OPCML: variants seen among roughly 807,000 people sequenced by gnomAD.
OPCML encodes opioid binding protein/cell adhesion molecule like.
Under a neutral mutation model 37.8 loss-of-function variants are expected in OPCML, and 13 were observed. That is an observed-to-expected ratio of 0.34 (90% CI 0.22 to 0.55). The LOEUF (loss-of-function observed/expected upper bound fraction) is 0.55. OPCML is among the 20% of genes least tolerant of loss of function. The pLI is 0.91. For missense variants in OPCML, 341 were observed against 435.6 expected, an observed-to-expected ratio of 0.78 and a Z score of 1.93; for synonymous variants, 176 against 168.8, an observed-to-expected ratio of 1.04 and a Z score of -0.33.
At chr11:132,557,627 C>T (rs964591372) in intron 3 of OPCML, among the ~76,000 whole-genome samples, 2 of 152,304 alleles carry the variant, frequency 1.3e-5, no homozygotes, top group East Asian at 1.9e-4. Flanking sequence ...TTAACATTGC[C>T]TGATTCATGA....
chr11:133,340,645 TGTG>T (rs1943848792), intron 1 of OPCML, among the ~76,000 whole-genome samples: 1 of 143,618 alleles, frequency 7.0e-6, no homozygotes, highest in Non-Finnish European at 1.5e-5. Context: ...TGTGTGTGTG[TGTG>T]TAAGAGCTTT....
intron 1 of OPCML, among the ~76,000 whole-genome samples, chr11:133,397,136 T>A (rs73604521): frequency 0.018 from 2,733 of 152,292 alleles, 86 homozygotes; most frequent in African/African-American, 0.062. Flanking sequence ...AGCTGGTTAA[T>A]ATTTATGGGT....
intron 1 of OPCML, among the ~76,000 whole-genome samples, chr11:133,318,141 C>T (rs1302894406): frequency 1.3e-5 from 2 of 152,210 alleles, no homozygotes; most frequent in African/African-American, 2.4e-5. Context: ...CTCCATCACA[C>T]GCTTTGTGCT....
At chr11:132,592,012 G>A (rs550948483) in intron 3 of OPCML, among the ~76,000 whole-genome samples, 6 of 152,206 alleles carry the variant, frequency 3.9e-5, no homozygotes, top group Non-Finnish European at 8.8e-5. Context: ...TATAGATTCT[G>A]TTTCTAGGCA....
At chr11:132,955,170 G>T (rs1945951102) in intron 1 of OPCML, among the ~76,000 whole-genome samples, 1 of 152,166 alleles carries the variant, frequency 6.6e-6, no homozygotes, top group Admixed American at 6.5e-5. Context: ...GGATCTGGGG[G>T]AGGTTGGCAC....
intron 2 of OPCML, among the ~76,000 whole-genome samples, chr11:132,835,106 G>A (rs372242976): frequency 1.3e-5 from 2 of 152,128 alleles, no homozygotes; most frequent in Non-Finnish European, 2.9e-5. Flanking sequence ...CCAGGCTGAG[G>A]AGGATTGATT....
At chr11:132,988,109 C>T (rs1946711737) in intron 1 of OPCML, among the ~76,000 whole-genome samples, 1 of 151,986 alleles carries the variant, frequency 6.6e-6, no homozygotes, top group Admixed American at 6.6e-5. Context: ...AAATAGTTCT[C>T]TTTTTTTTAT....
chr11:132,813,236 A>G (rs1046810891), intron 2 of OPCML, among the ~76,000 whole-genome samples: 1 of 152,150 alleles, frequency 6.6e-6, no homozygotes, highest in African/African-American at 2.4e-5. Flanking sequence ...CCATCTGCAT[A>G]TCTCTTTTAA....
rs140721369 is a variant in OPCML, at chr11:133,141,229, G to C, written c.62-198219C>G. Reference sequence around the variant, plus strand: ...AGGCACGTGGTCTCCATTCCAAGCCGGGCTCTCGCATGAGGCCTCACCCAT... The same window carrying C: ...AGGCACGTGGTCTCCATTCCAAGCCCGGCTCTCGCATGAGGCCTCACCCAT... On this transcript the variant is annotated intron_variant, in intron 1 of 7. Transcript: ENST00000524381. Among the ~76,000 whole-genome samples the C allele has an allele frequency of 3.7e-3, 561 of 151,962 alleles. 1 individual carries two copies. The highest frequency in any genetic ancestry group is 5.7e-3 in the Non-Finnish European group (385 of 67,936).
At chr11:132,822,539 T>C (rs1940061137) in intron 2 of OPCML, among the ~76,000 whole-genome samples, 1 of 151,854 alleles carries the variant, frequency 6.6e-6, no homozygotes, top group East Asian at 1.9e-4. Context: ...CACACACTCA[T>C]GCACTGTCAC....
chr11:132,435,264 T>C (rs925914194), intron 7 of OPCML: 5 of 1,288,506 alleles, frequency 3.9e-6, no homozygotes, highest in Non-Finnish European at 5.1e-6. Flanking sequence ...AGATGGTTGG[T>C]GGACAAAGTT....
At chr11:133,262,022 G>A (rs548750141) in intron 1 of OPCML, among the ~76,000 whole-genome samples, 46 of 152,170 alleles carry the variant, frequency 3.0e-4, no homozygotes, top group African/African-American at 1.1e-3. Context: ...TAAGCAAAGG[G>A]ACTTTACTAC....
intron 2 of OPCML, among the ~76,000 whole-genome samples, chr11:132,777,115 C>T (rs1226506549): frequency 1.3e-5 from 2 of 152,194 alleles, no homozygotes; most frequent in Non-Finnish European, 2.9e-5. Flanking sequence ...TGGGGCTCCA[C>T]TTTCTTAACT....
chr11:132,642,149 C>G (rs1480407551), intron 3 of OPCML, among the ~76,000 whole-genome samples: 1 of 152,100 alleles, frequency 6.6e-6, no homozygotes, highest in African/African-American at 2.4e-5. Context: ...TATTTCCTGG[C>G]ATAAGTAATA....
At chr11:132,771,383 C>T (rs564265814) in intron 2 of OPCML, among the ~76,000 whole-genome samples, 1 of 152,284 alleles carries the variant, frequency 6.6e-6, no homozygotes, top group South Asian at 2.1e-4. Context: ...AGCAGAGAGG[C>T]CACGCCTGTA....
chr11:132,626,864 A>G (rs1278494710), intron 3 of OPCML, among the ~76,000 whole-genome samples: 1 of 140,338 alleles, frequency 7.1e-6, no homozygotes, highest in Non-Finnish European at 1.6e-5. Flanking sequence ...GTGTCTATAT[A>G]TATAGACACA....
At chr11:132,787,534 T>TATTGTGAGGATCACAATA (rs1947255404) in intron 2 of OPCML, among the ~76,000 whole-genome samples, 1 of 152,118 alleles carries the variant, frequency 6.6e-6, no homozygotes, top group Admixed American at 6.5e-5. Flanking sequence ...TCAATAGGAT[T>TATTGTGAGGATCACAATA]ATTGTGAGGA....
chr11:132,683,369 T>C (rs1169400420), intron 2 of OPCML, among the ~76,000 whole-genome samples: 3 of 152,152 alleles, frequency 2.0e-5, no homozygotes, highest in African/African-American at 4.8e-5. Context: ...AGTGAGACTC[T>C]GTCTCAAAAA....
At chr11:133,082,365 G>A (rs1199787120) in intron 1 of OPCML, among the ~76,000 whole-genome samples, 1 of 145,538 alleles carries the variant, frequency 6.9e-6, no homozygotes, top group African/African-American at 2.6e-5. Context: ...CCGCTGCGCC[G>A]TCCCCTCCCC....
Sources: gnomAD v4.1 joint callset for allele counts (sites outside exome capture counted in the v4.1 genomes callset) on GRCh38, gnomAD v4.1.1 for gene constraint, MANE v1.5 for transcripts, NCBI Gene and HGNC (gene_info 2026-07-23, HGNC 2026-07-21) for gene names.